The following APBA1 variants were observed in gnomAD, a reference collection of about 807,000 sequenced individuals.
APBA1 encodes the protein amyloid beta precursor protein binding family A member 1.
In APBA1, 55 loss-of-function variants were observed where a neutral mutation model predicts 86.6. The observed-to-expected ratio is 0.64, with a 90% CI of 0.51 to 0.80. The LOEUF (loss-of-function observed/expected upper bound fraction) is 0.80. Ranked by LOEUF, APBA1 falls within the 30% of genes least tolerant of loss-of-function variation. The pLI is 0.00. For synonymous variants in APBA1, 511 were observed against 493.9 expected, an observed-to-expected ratio of 1.03 and a Z score of -0.46; for missense variants, 1,090 against 1,183.0, an observed-to-expected ratio of 0.92 and a Z score of 1.15.
rs573135015 is a variant in APBA1, at chr9:69,555,782, C to G, written c.-69-38503G>C. 3.3e-5 allele frequency among the ~76,000 whole-genome samples: 5 copies of G among 152,294 alleles called. No homozygotes were observed. In the South Asian group the frequency reaches 1.0e-3, roughly 32 times the overall value. On this transcript the variant is annotated intron_variant, in intron 1 of 12. Coordinates refer to ENST00000265381, the MANE Select transcript of APBA1 (RefSeq NM_001163.4). ...CATCTGTTATTACTAGTGAGTGGAA[C>G]AGTTTTTGAGATGCATACTAGCCAT...
intron 1 of APBA1, among the ~76,000 whole-genome samples, chr9:69,661,632 T>C (rs1328716786): frequency 1.3e-5 from 2 of 152,164 alleles, no homozygotes; most frequent in African/African-American, 4.8e-5. Context: ...TGTTGACATT[T>C]AATCCCCAAT....
intron 1 of APBA1, among the ~76,000 whole-genome samples, chr9:69,531,390 A>G (rs1466568200): frequency 6.6e-6 from 1 of 152,202 alleles, no homozygotes; most frequent in Non-Finnish European, 1.5e-5. Context: ...CTCTTAAATA[A>G]TAGGACATTA....
chr9:69,635,685 C>A (rs1241212881), intron 1 of APBA1, among the ~76,000 whole-genome samples: 5 of 151,936 alleles, frequency 3.3e-5, no homozygotes, highest in African/African-American at 1.2e-4. Context: ...CAAAAAAAAG[C>A]AGGAGTAGCT....
At chr9:69,670,610 T>G (rs1159533334) in intron 1 of APBA1, among the ~76,000 whole-genome samples, 1 of 152,148 alleles carries the variant, frequency 6.6e-6, no homozygotes, top group Non-Finnish European at 1.5e-5. Flanking sequence ...TGGATACACA[T>G]GAATATGCCA....
chr9:69,461,832 A>T (rs1343190298), intron 5 of APBA1: 3 of 152,164 alleles, frequency 2.0e-5, no homozygotes, highest in African/African-American at 7.2e-5. Context: ...CTACCTCACA[A>T]TGTTCTCTAC....
In APBA1 at chr9:69,649,863, AAAGT is replaced by A. The variant is rs1823463895; in HGVS notation, c.-70+22286_-70+22289del. 2.0e-5 allele frequency among the ~76,000 whole-genome samples: 3 copies of A among 152,132 alleles called. 1 individual carries two copies. The South Asian group carries it at 6.2e-4, about 32-fold the overall frequency. On this transcript the variant is annotated intron_variant, in intron 1 of 12. Coordinates refer to ENST00000265381, the MANE Select transcript of APBA1 (RefSeq NM_001163.4). Reference sequence around the variant, plus strand: ...GCTTAAAAGTGGGGGTAGGGTGGGGAAAGTATTCTGTTAATGTGGTTTTTAAAGA... The same window carrying A: ...GCTTAAAAGTGGGGGTAGGGTGGGGAATTCTGTTAATGTGGTTTTTAAAGA...
Position 69,458,156 on chromosome 9 carries a change from C to T in APBA1, c.1515G>A (p.Lys505=), listed in dbSNP as rs1459671884. The T allele has an allele frequency of 6.2e-7, 1 of 1,611,918 alleles. No individual in the cohort carries two copies. Among genetic ancestry groups the T allele is most frequent in the Non-Finnish European group, 8.5e-7 (1 of 1,179,500 alleles). ...GCTGATGAAGTTGTTTGTACTGCAC[C>T]TTCTTCCTGCTTTTGGCTAATTTCT... ...MAQKLAKSRK[K]APEGESQPMT... The change falls in exon 6 of 13, where the codon AAG becomes AAA. Residue 505 remains lysine (K), a splice_region_variant and synonymous_variant. Coordinates refer to ENST00000265381, the MANE Select transcript of APBA1 (RefSeq NM_001163.4).
At chr9:69,447,876 C>T (rs1834937735) in intron 10 of APBA1, among the ~76,000 whole-genome samples, 1 of 152,148 alleles carries the variant, frequency 6.6e-6, no homozygotes, top group South Asian at 2.1e-4. Flanking sequence ...GACCAAGCTC[C>T]CTGGGGGGCA....
chr9:69,589,752 A>T (rs186642743), intron 1 of APBA1, among the ~76,000 whole-genome samples: 47 of 152,302 alleles, frequency 3.1e-4, no homozygotes, highest in Admixed American at 2.3e-3. Flanking sequence ...ATTGAATCAG[A>T]TTCAAACAAT....
At chr9:69,665,875 A>G (rs1823832517) in intron 1 of APBA1, among the ~76,000 whole-genome samples, 1 of 152,170 alleles carries the variant, frequency 6.6e-6, no homozygotes, top group Admixed American at 6.5e-5. Context: ...AGCTGGGACT[A>G]CAAGCATGCG....
intron 1 of APBA1, among the ~76,000 whole-genome samples, chr9:69,636,922 G>GGAAGGAAGGAAGGAAAGACA (rs1331913719): frequency 1.6e-5 from 1 of 63,970 alleles, no homozygotes; most frequent in Non-Finnish European, 3.1e-5. Context: ...AAGGAAGGAA[G>GGAAGGAAGGAAGGAAAGACA]GAAAGAAAGA....
intron 1 of APBA1, among the ~76,000 whole-genome samples, chr9:69,591,910 C>G (rs1822138618): frequency 6.6e-6 from 1 of 152,122 alleles, no homozygotes; most frequent in African/African-American, 2.4e-5. Flanking sequence ...AGTGTCTCAG[C>G]TAAGAACTTT....
intron 1 of APBA1, among the ~76,000 whole-genome samples, chr9:69,659,107 C>T (rs1319390910): frequency 1.3e-5 from 2 of 152,202 alleles, no homozygotes; most frequent in African/African-American, 4.8e-5. Context: ...GTGTCTGCTT[C>T]TGAGGATTCT....
rs151238148 is a variant in APBA1 at position 69,503,020 on chromosome 9, G to A, written c.1200+12991C>T. 4.0e-3 allele frequency among the ~76,000 whole-genome samples: 606 copies of A among 152,198 alleles called. 6 individuals are homozygous for A. Among genetic ancestry groups the A allele is most frequent in the African/African-American group, 0.014 (579 of 41,532 alleles). On this transcript the variant is annotated intron_variant, in intron 2 of 12. Coordinates refer to ENST00000265381, the MANE Select transcript of APBA1 (RefSeq NM_001163.4). ...CTTATGTGTGTCACATAAGCCAAAT[G>A]CAAGTGTGTGTGCTTAACACAAACA...
At chr9:69,589,611 T>C (rs1465059994) in intron 1 of APBA1, among the ~76,000 whole-genome samples, 1 of 152,168 alleles carries the variant, frequency 6.6e-6, no homozygotes, top group Non-Finnish European at 1.5e-5. Flanking sequence ...GGTTTTCTAC[T>C]GGGTCTTTCA....
At chr9:69,528,174 T>G (rs1049254136) in intron 1 of APBA1, among the ~76,000 whole-genome samples, 4 of 152,164 alleles carry the variant, frequency 2.6e-5, no homozygotes, top group Non-Finnish European at 5.9e-5. Flanking sequence ...TATATTATTG[T>G]GTGATGACTA....
chr9:69,637,227 T>C (rs1224908766), intron 1 of APBA1, among the ~76,000 whole-genome samples: 1 of 151,962 alleles, frequency 6.6e-6, no homozygotes, highest in Non-Finnish European at 1.5e-5. Context: ...CTGGGAAGGG[T>C]TGGGGAGGAT....
intron 1 of APBA1, among the ~76,000 whole-genome samples, chr9:69,615,564 A>G (rs959034717): frequency 2.0e-5 from 3 of 152,364 alleles, no homozygotes; most frequent in Non-Finnish European, 4.4e-5. Context: ...AATCTGAAGT[A>G]TGCCTTGATC....
At chr9:69,529,037 A>G (rs1836385357) in intron 1 of APBA1, among the ~76,000 whole-genome samples, 1 of 152,070 alleles carries the variant, frequency 6.6e-6, no homozygotes, top group African/African-American at 2.4e-5. Flanking sequence ...AGTTTTCTGT[A>G]GCTTCTTCTA....
Sources: allele counts gnomAD v4.1 joint callset (sites outside exome capture counted in the v4.1 genomes callset), GRCh38; gene constraint gnomAD v4.1.1; transcripts MANE v1.5; gene names NCBI Gene and HGNC (gene_info 2026-07-23, HGNC 2026-07-21).